Variants in INTS6L observed in about 807,000 individuals in gnomAD.
INTS6L encodes the protein integrator complex subunit 6-like.
In INTS6L, 18 loss-of-function variants were observed where a neutral mutation model predicts 64.7. That is an observed-to-expected ratio of 0.28 (90% confidence interval 0.19 to 0.41). The LOEUF (loss-of-function observed/expected upper bound fraction) is 0.41, where lower values mean the gene tolerates loss of function less well. INTS6L is among the 10% of genes least tolerant of loss of function. INTS6L has a pLI of 1.00. For synonymous variants in INTS6L, 227 were observed against 235.9 expected (o/e 0.96, Z 0.34); for missense variants, 533 against 661.0 (o/e 0.81, Z 2.12).
At chrX:135,533,231 T>G (rs1462155016) in intron 2 of INTS6L, among the ~76,000 whole-genome samples, 3 of 111,955 alleles carry the variant, frequency 2.7e-5, no homozygotes, top group African/African-American at 9.8e-5. Context: ...TGTAAACAAT[T>G]TAATAACGTT....
In INTS6L at chrX:135,546,893, C is replaced by T. The variant is rs151247190; in HGVS notation, c.613+8C>T. ...TGTGTGAAGTCACAGGAGGTATTGG[C>T]AATATTTAATGTTTCTGAAGGAAAA... On this transcript the variant is annotated splice_region_variant and intron_variant, in intron 5 of 17. Transcript: ENST00000639893. The T allele has an allele frequency of 1.3e-3, 1,532 of 1,198,166 alleles. 10 individuals are homozygous for T. The African/African-American group carries it at 0.023, about 18-fold the overall frequency.
intron 16 of INTS6L, 147 bp from the exon 17 acceptor site, chrX:135,580,903 C>T: frequency 2.4e-6 from 1 of 421,761 alleles, no homozygotes; most frequent in Non-Finnish European, 3.9e-6. Context: ...CTAGTAGATG[C>T]ATGCAGATAT....
intron 2 of INTS6L, among the ~76,000 whole-genome samples, chrX:135,536,414 T>A (rs2086054018): frequency 8.9e-6 from 1 of 112,029 alleles, no homozygotes; most frequent in Admixed American, 9.5e-5. Flanking sequence ...CTGGGGAAAT[T>A]AACAGCATGT....
intron 3 of INTS6L, 57 bp downstream of exon 3, chrX:135,545,629 T>G: frequency 1.8e-6 from 2 of 1,097,749 alleles, no homozygotes; most frequent in Middle Eastern, 2.9e-4. Flanking sequence ...GGGTAAGAAT[T>G]TAAAATTGGG....
intron 7 of INTS6L, among the ~76,000 whole-genome samples, chrX:135,551,205 C>T (rs1462411637): frequency 8.9e-6 from 1 of 112,277 alleles, no homozygotes; most frequent in Non-Finnish European, 1.9e-5. Flanking sequence ...TAGGCTGACC[C>T]ACTTCTTACT....
chrX:135,524,580 G>T (rs782449366), intron 2 of INTS6L, among the ~76,000 whole-genome samples: 1 of 110,932 alleles, frequency 9.0e-6, no homozygotes, highest in Non-Finnish European at 1.9e-5. Context: ...TCTACTTGAA[G>T]GTTTGTTTCT....
chrX:135,580,468 C>T (rs782471098), intron 16 of INTS6L, among the ~76,000 whole-genome samples: 1 of 112,375 alleles, frequency 8.9e-6, no homozygotes, highest in Non-Finnish European at 1.9e-5. Flanking sequence ...TTTTGCTGGG[C>T]CAAAATAGTG....
At chrX:135,558,581 C>G (rs781860578) in intron 9 of INTS6L, among the ~76,000 whole-genome samples, 4 of 110,826 alleles carry the variant, frequency 3.6e-5, no homozygotes, top group Non-Finnish European at 7.6e-5. Context: ...AGTAGTCAAA[C>G]TCATAGAAAC....
At chrX:135,568,310 T>G (rs1275425979) in intron 9 of INTS6L, among the ~76,000 whole-genome samples, 1 of 111,086 alleles carries the variant, frequency 9.0e-6, no homozygotes, top group African/African-American at 3.3e-5. Flanking sequence ...TCAAATATTT[T>G]TAGTACATGG....
At chrX:135,555,841 C>T (rs1469560009) in intron 8 of INTS6L, among the ~76,000 whole-genome samples, 2 of 111,041 alleles carry the variant, frequency 1.8e-5, no homozygotes, top group Non-Finnish European at 3.8e-5. Flanking sequence ...GCACGTGCCA[C>T]CACACTTGGC....
At chrX:135,556,972 TAA>T (rs2086662579) in intron 9 of INTS6L, among the ~76,000 whole-genome samples, 1 of 112,150 alleles carries the variant, frequency 8.9e-6, no homozygotes, top group African/African-American at 3.2e-5. Flanking sequence ...GAATCTTTAC[TAA>T]GTTTTCATAC....
At chrX:135,538,934 T>C (rs889580335) in intron 2 of INTS6L, among the ~76,000 whole-genome samples, 7 of 112,251 alleles carry the variant, frequency 6.2e-5, no homozygotes, top group Non-Finnish European at 1.1e-4. Flanking sequence ...CGGTAAACCA[T>C]GCTGTAAACA....
intron 9 of INTS6L, among the ~76,000 whole-genome samples, chrX:135,556,627 G>A (rs189549400): frequency 5.9e-4 from 66 of 111,650 alleles, no homozygotes; most frequent in African/African-American, 1.8e-3. Context: ...CTACCATGGG[G>A]TGGGAGTAAT....
At chrX:135,534,701 T>TTA (rs1342708721) in intron 2 of INTS6L, among the ~76,000 whole-genome samples, 65 of 99,542 alleles carry the variant, frequency 6.5e-4, no homozygotes, top group African/African-American at 2.3e-3. Context: ...TTTTTTTTTT[T>TTA]AAATAGAGTC....
chrX:135,572,903 G>T lies in INTS6L; in HGVS notation c.1487G>T (p.Gly496Val), dbSNP rs782399791. Reference sequence around the variant, plus strand: ...ATTAAAGTGAAAAATCATTCTGGAGGTGGCATGTCCTTGACTCACAATAAA... The same window carrying T: ...ATTAAAGTGAAAAATCATTCTGGAGTTGGCATGTCCTTGACTCACAATAAA... ...IGIKVKNHSG[G>V]GMSLTHNKNF... Residue 496 changes from glycine to valine, a missense_variant, in exon 12 of 18, where the codon GGT (glycine) becomes GTT (valine). By Grantham distance (109) the Gly-to-Val change is moderately radical. Transcript: ENST00000639893. 1 of 1,211,481 alleles carries T rather than the reference G, an allele frequency of 8.3e-7. No homozygotes were observed. Among genetic ancestry groups the T allele is most frequent in the Admixed American group, 2.2e-5 (1 of 46,050 alleles).
At chrX:135,568,344 T>C (rs1556525820) in intron 9 of INTS6L, among the ~76,000 whole-genome samples, 1 of 110,523 alleles carries the variant, frequency 9.0e-6, no homozygotes. Flanking sequence ...TGTTTAGTTG[T>C]TCTACAGAAT....
At chrX:135,573,100 C>T (rs782072064) in intron 12 of INTS6L, 67 bp downstream of exon 12, 3 of 959,429 alleles carry the variant, frequency 3.1e-6, no homozygotes, top group East Asian at 3.1e-5. Context: ...CTTTCATATT[C>T]CTTTAGTTTT....
intron 2 of INTS6L, among the ~76,000 whole-genome samples, chrX:135,539,638 T>C (rs1602861072): frequency 1.8e-5 from 2 of 112,477 alleles, no homozygotes; most frequent in African/African-American, 6.5e-5. Flanking sequence ...ATCTCAGCTT[T>C]CGACATGCCT....
chrX:135,580,187 A>G lies in INTS6L; in HGVS notation c.2494+25A>G, dbSNP rs782724071. The G allele has an allele frequency of 2.6e-6, 3 of 1,155,360 alleles. No homozygotes were observed. The African/African-American group carries it at 5.4e-5, about 21-fold the overall frequency. On this transcript the variant is annotated intron_variant, in intron 16 of 17. Transcript: ENST00000639893. ...AGTAAGTAGTGAAAGAACATCTATC[A>G]ATAATGCACCAGGAGGTTTCTCTCA...
Sources: allele counts gnomAD v4.1 joint callset (sites outside exome capture counted in the v4.1 genomes callset), GRCh38; gene constraint gnomAD v4.1.1; transcripts MANE v1.5; gene names NCBI Gene and HGNC (gene_info 2026-07-23, HGNC 2026-07-21).